SPMIP11: variants seen among roughly 807,000 people sequenced by gnomAD.
SPMIP11 encodes the protein long intergenic non-protein coding RNA 935.
chr12:48,761,256 G>A, the SPMIP11 span, among the ~76,000 whole-genome samples: 1 of 151,956 alleles, frequency 6.6e-6, no homozygotes, highest in South Asian at 2.1e-4. Flanking sequence ...AGACCAGCCT[G>A]TCCAACATGG....
the SPMIP11 span, chr12:48,759,437 C>T: frequency 1.6e-6 from 1 of 636,558 alleles, no homozygotes; most frequent in Non-Finnish European, 2.9e-6. Flanking sequence ...GTCTGTAATC[C>T]TAGCACTTTG....
chr12:48,733,769 T>TC, the SPMIP11 span, among the ~76,000 whole-genome samples: 1 of 138,608 alleles, frequency 7.2e-6, no homozygotes, highest in East Asian at 2.2e-4. Flanking sequence ...AGATTCTTTT[T>TC]TTTTTTTTTT....
At chr12:48,770,686 G>T in the SPMIP11 span, 1 of 1,426,446 alleles carries the variant, frequency 7.0e-7, no homozygotes, top group Non-Finnish European at 9.8e-7. Context: ...GGAAATCTGT[G>T]ATCCCATCCC....
At chr12:48,769,051 C>T in the SPMIP11 span, 1 of 1,612,408 alleles carries the variant, frequency 6.2e-7, no homozygotes, top group East Asian at 2.2e-5. Flanking sequence ...CGACTGGGCC[C>T]ATGTTCAGCC....
At chr12:48,761,594 A>G in the SPMIP11 span, among the ~76,000 whole-genome samples, 405 of 151,470 alleles carry the variant, frequency 2.7e-3, 3 homozygotes, top group African/African-American at 9.3e-3. Flanking sequence ...CCTGGGCAAC[A>G]GAGCAAGACC....
At chr12:48,731,667 A>G in the SPMIP11 span, among the ~76,000 whole-genome samples, 1 of 152,162 alleles carries the variant, frequency 6.6e-6, no homozygotes, top group Non-Finnish European at 1.5e-5. Context: ...GAGAGTTAAC[A>G]ACATTCTACA....
chr12:48,729,299 G>A, the SPMIP11 span, among the ~76,000 whole-genome samples: 1 of 152,072 alleles, frequency 6.6e-6, no homozygotes. Context: ...ACTTTGGGAG[G>A]CCGAGATGGG....
At chr12:48,728,255 C>T in the SPMIP11 span, among the ~76,000 whole-genome samples, 6 of 152,134 alleles carry the variant, frequency 3.9e-5, no homozygotes, top group South Asian at 1.2e-3. Context: ...TGTATGATTA[C>T]ATTAAATATG....
At chr12:48,757,543 G>T in the SPMIP11 span, among the ~76,000 whole-genome samples, 2 of 151,846 alleles carry the variant, frequency 1.3e-5, no homozygotes, top group South Asian at 4.2e-4. Flanking sequence ...CTACTTGGGA[G>T]GCTAAGGCAG....
chr12:48,756,922 G>A, the SPMIP11 span, among the ~76,000 whole-genome samples: 3 of 151,986 alleles, frequency 2.0e-5, no homozygotes, highest in Non-Finnish European at 2.9e-5. Flanking sequence ...GATTACAGGC[G>A]TGAACACTAC....
chr12:48,761,888 CTT>C, the SPMIP11 span, among the ~76,000 whole-genome samples: 15 of 135,702 alleles, frequency 1.1e-4, no homozygotes, highest in Admixed American at 1.5e-4. Context: ...ATGCCCAGCT[CTT>C]TTTTTTTTTT....
chr12:48,735,913 A>G, the SPMIP11 span, among the ~76,000 whole-genome samples: 1 of 152,102 alleles, frequency 6.6e-6, no homozygotes, highest in East Asian at 1.9e-4. Context: ...TTAAGAAATA[A>G]AACAAAATAA....
At chr12:48,761,743 T>TA in the SPMIP11 span, among the ~76,000 whole-genome samples, 3 of 146,442 alleles carry the variant, frequency 2.0e-5, no homozygotes, top group East Asian at 6.0e-4. Flanking sequence ...TTTTTTTTTT[T>TA]AGATAGGGTC....
chr12:48,733,853 C>G, the SPMIP11 span, among the ~76,000 whole-genome samples: 80 of 149,238 alleles, frequency 5.4e-4, no homozygotes, highest in Non-Finnish European at 9.5e-4. Context: ...TCACTGCAAC[C>G]TCCACCTCCC....
At chr12:48,738,986 T>C in the SPMIP11 span, among the ~76,000 whole-genome samples, 1 of 152,098 alleles carries the variant, frequency 6.6e-6, no homozygotes, top group African/African-American at 2.4e-5. Context: ...TTGGTTATTA[T>C]ATTTTAATTT....
At chr12:48,749,298 C>T in the SPMIP11 span, among the ~76,000 whole-genome samples, 3 of 151,160 alleles carry the variant, frequency 2.0e-5, no homozygotes, top group African/African-American at 2.4e-5. Flanking sequence ...CTTAAAACCC[C>T]TCATTTCCTA....
At chr12:48,738,380 T>C in the SPMIP11 span, among the ~76,000 whole-genome samples, 1 of 145,982 alleles carries the variant, frequency 6.9e-6, no homozygotes, top group Non-Finnish European at 1.5e-5. Context: ...ATATAATGGT[T>C]GGAGATTGGG....
At chr12:48,736,509 C>T in the SPMIP11 span, among the ~76,000 whole-genome samples, 105 of 151,918 alleles carry the variant, frequency 6.9e-4, no homozygotes, top group African/African-American at 2.4e-3. Context: ...ACTTCAACAG[C>T]TCTGCCAAAA....
chr12:48,760,067 G>C, the SPMIP11 span, among the ~76,000 whole-genome samples: 1 of 152,182 alleles, frequency 6.6e-6, no homozygotes, highest in African/African-American at 2.4e-5. Context: ...AAAGTGCTGG[G>C]ATTACAGGCG....
Sources: gnomAD v4.1 joint callset for allele counts (sites outside exome capture counted in the v4.1 genomes callset) on GRCh38, gnomAD v4.1.1 for gene constraint, MANE v1.5 for transcripts, NCBI Gene and HGNC (gene_info 2026-07-23, HGNC 2026-07-21) for gene names.